The following GRIA2 variants were observed in gnomAD, a reference collection of about 807,000 sequenced individuals.
GRIA2 encodes glutamate ionotropic receptor AMPA type subunit 2.
Under a neutral mutation model 97.3 loss-of-function variants are expected in GRIA2, and 14 were observed. The observed-to-expected ratio is 0.14, with a 90% CI of 0.10 to 0.23. The LOEUF (loss-of-function observed/expected upper bound fraction) is 0.23. GRIA2 is among the 10% of genes least tolerant of loss of function. The pLI is 1.00. For synonymous variants in GRIA2, 412 were observed against 387.8 expected (o/e 1.06, Z -0.73); for missense variants, 558 against 1,069.8 (o/e 0.52, Z 6.67).
intron 2 of GRIA2, among the ~76,000 whole-genome samples, chr4:157,245,944 G>A (rs551130717): frequency 9.9e-5 from 15 of 152,096 alleles, no homozygotes; most frequent in African/African-American, 2.4e-4. Flanking sequence ...CACAGAACAC[G>A]AATGTTTCCT....
In GRIA2 at chr4:157,332,836, C is replaced by T; in HGVS notation, c.900C>T (p.Thr300=). The change falls in exon 7 of 16, where the codon ACC becomes ACT. Residue 300 remains threonine, a synonymous_variant. Coordinates refer to ENST00000264426, the MANE Select transcript of GRIA2 (RefSeq NM_001083619.3). ...TTTIKYTSAL[T]YDAVQVMTEA... is the part of the protein sequence containing the mutation. ...CTTTGCAGTATACTTCTGCTCTGAC[C>T]TATGATGCCGTTCAAGTGATGACTG... 2 of 1,612,208 alleles carry T rather than the reference C, an allele frequency of 1.2e-6. No individual in the cohort carries two copies. Among genetic ancestry groups the T allele is most frequent in the Non-Finnish European group, 1.7e-6 (2 of 1,178,660 alleles).
chr4:157,322,137 A>G (rs994081587), intron 6 of GRIA2, among the ~76,000 whole-genome samples: 2 of 152,044 alleles, frequency 1.3e-5, no homozygotes, highest in Non-Finnish European at 2.9e-5. Flanking sequence ...GTTTGTTCCT[A>G]ATCTTCAAAA....
chr4:157,303,846 G>A, intron 3 of GRIA2, 55 bp downstream of exon 3: 3 of 1,556,022 alleles, frequency 1.9e-6, no homozygotes, highest in Non-Finnish European at 2.7e-6. Context: ...GCCTACACTT[G>A]ACACTTCTAT....
At chr4:157,221,569 A>C in intron 1 of GRIA2, 98 bp from the exon 2 acceptor site, 2 of 1,259,354 alleles carry the variant, frequency 1.6e-6, no homozygotes, top group Non-Finnish European at 2.3e-6. Context: ...TATTCGCGTG[A>C]ATAAGAGACT....
rs528839551 is a variant in GRIA2 at position 157,365,482 on chromosome 4, TTC to T, written c.*2055_*2056del. ...TCTAAAAATTGTAGCTTATCGATTTTTCTCTGTCAAGCTTGAACTAATGTAAA... is the reference window on the plus strand; with the variant it reads ...TCTAAAAATTGTAGCTTATCGATTTTTCTGTCAAGCTTGAACTAATGTAAA... On this transcript the variant is annotated 3_prime_UTR_variant, in exon 16 of 16. Transcript: ENST00000264426. 50 of 152,140 alleles carry T rather than the reference TTC, an allele frequency of 3.3e-4. No individual in the cohort carries two copies. Among genetic ancestry groups the T allele is most frequent in the African/African-American group, 1.2e-3 (48 of 41,530 alleles). The allele number at this position is 152,140 out of a possible 1,614,324, so 9.4% of individuals were successfully genotyped here.
chr4:157,230,884 C>G (rs370704669), intron 2 of GRIA2, among the ~76,000 whole-genome samples: 1 of 151,844 alleles, frequency 6.6e-6, no homozygotes, highest in Non-Finnish European at 1.5e-5. Flanking sequence ...GAAAGGGTCT[C>G]GCTCTGTTCC....
At chr4:157,256,210 G>GTTATATA (rs1372639646) in intron 2 of GRIA2, among the ~76,000 whole-genome samples, 7,160 of 116,792 alleles carry the variant, frequency 0.061, 1,044 homozygotes, top group African/African-American at 0.095. Flanking sequence ...ACATATATAT[G>GTTATATA]TTATATATAA....
intron 2 of GRIA2, among the ~76,000 whole-genome samples, chr4:157,273,550 A>C (rs572080263): frequency 1.3e-3 from 194 of 152,250 alleles, no homozygotes; most frequent in African/African-American, 4.5e-3. Context: ...AAGAATAAAA[A>C]AGAAATACTA....
intron 3 of GRIA2, among the ~76,000 whole-genome samples, chr4:157,307,612 A>G (rs889742759): frequency 6.6e-6 from 1 of 152,250 alleles, no homozygotes; most frequent in Non-Finnish European, 1.5e-5. Flanking sequence ...TAATGCATTC[A>G]ACATTATATA....
chr4:157,275,748 A>G (rs1021496303), intron 2 of GRIA2, among the ~76,000 whole-genome samples: 1 of 152,128 alleles, frequency 6.6e-6, no homozygotes, highest in African/African-American at 2.4e-5. Context: ...TGGTACCAGT[A>G]CCATGCTGTT....
chr4:157,267,127 G>GT (rs1731806180), intron 2 of GRIA2, among the ~76,000 whole-genome samples: 1 of 151,520 alleles, frequency 6.6e-6, no homozygotes, highest in South Asian at 2.1e-4. Context: ...CTAGCTTTGT[G>GT]TTAAAAAAAA....
At position 157,323,089 on chromosome 4, in the gene GRIA2, A is replaced by C. The variant is rs536673966; in HGVS notation, c.882+1490A>C. On this transcript the variant is annotated intron_variant, in intron 6 of 15. Transcript: ENST00000264426. ...AGTGGCTCACGCCTGTAATCCCTGC[A>C]CTTTGGGAGGCCGAGGTGGGCGGAT... Among the ~76,000 whole-genome samples, 34 of 152,172 alleles carry C rather than the reference A, an allele frequency of 2.2e-4. No individual in the cohort carries two copies. The East Asian group carries it at 5.8e-3, about 26-fold the overall frequency.
intron 2 of GRIA2, among the ~76,000 whole-genome samples, chr4:157,287,341 A>G (rs1732889470): frequency 1.3e-5 from 2 of 151,704 alleles, no homozygotes; most frequent in Admixed American, 1.3e-4. Flanking sequence ...TGTGCATCTG[A>G]AATGTAATAT....
intron 2 of GRIA2, among the ~76,000 whole-genome samples, chr4:157,299,130 G>T (rs1335567084): frequency 1.3e-5 from 2 of 152,064 alleles, no homozygotes; most frequent in Non-Finnish European, 2.9e-5. Context: ...CAGCGGAAAG[G>T]GAAAGAATTT....
chr4:157,261,938 G>A (rs886086154), intron 2 of GRIA2, among the ~76,000 whole-genome samples: 4 of 151,876 alleles, frequency 2.6e-5, no homozygotes, highest in African/African-American at 9.7e-5. Context: ...AAATTATTTT[G>A]TTCTTTCCAT....
intron 2 of GRIA2, among the ~76,000 whole-genome samples, chr4:157,295,335 C>T (rs953275201): frequency 2.6e-5 from 4 of 151,956 alleles, no homozygotes; most frequent in African/African-American, 7.3e-5. Context: ...TAGATCAAAA[C>T]GTATGCAAAA....
chr4:157,221,874 G>A, intron 2 of GRIA2, 67 bp downstream of exon 2: 1 of 1,452,830 alleles, frequency 6.9e-7, no homozygotes. Flanking sequence ...GAGTGTGTGT[G>A]TGCGTTTCTG....
At chr4:157,358,939 A>G (rs1240569208) in intron 12 of GRIA2, among the ~76,000 whole-genome samples, 1 of 152,190 alleles carries the variant, frequency 6.6e-6, no homozygotes, top group Non-Finnish European at 1.5e-5. Context: ...TTTAAAAGTA[A>G]GTCTTCGATT....
rs1579384201 is a variant in GRIA2 at position 157,350,459 on chromosome 4, A to G, written c.2043+8997A>G. On this transcript the variant is annotated intron_variant, in intron 12 of 15. Transcript: ENST00000264426. ...CAGGTGGTGTTTGGTTACATGAATC[A>G]GTTCTTTAGTGGTGATTTCTGAGGA... 2.0e-5 allele frequency among the ~76,000 whole-genome samples: 3 copies of G among 151,948 alleles called. No individual in the cohort carries two copies. The East Asian group carries it at 5.9e-4, about 30-fold the overall frequency.
Sources: gnomAD v4.1 joint callset for allele counts (sites outside exome capture counted in the v4.1 genomes callset) on GRCh38, gnomAD v4.1.1 for gene constraint, MANE v1.5 for transcripts, NCBI Gene and HGNC (gene_info 2026-07-23, HGNC 2026-07-21) for gene names.